The following IGF2R variants were observed in gnomAD, a reference collection of about 807,000 sequenced individuals.
The protein encoded by IGF2R is cation-independent mannose-6-phosphate receptor.
A neutral mutation model predicts 270.6 loss-of-function variants in IGF2R; 91 were observed. The ratio of observed to expected loss-of-function variants is 0.34; its 90% CI spans 0.28 to 0.40. The LOEUF (loss-of-function observed/expected upper bound fraction) is 0.40. Among genes scored for constraint, IGF2R ranks in the 10% least tolerant of loss-of-function variants. The pLI, the probability that IGF2R is intolerant of heterozygous loss-of-function variation, is 1.00. For synonymous variants in IGF2R, 1,316 were observed against 1,258.9 expected (o/e 1.05, Z -0.96); for missense variants, 2,805 against 3,188.3 (o/e 0.88, Z 2.90).
At chr6:160,069,737 C>T in intron 30 of IGF2R, 131 bp from the exon 31 acceptor site, 2 of 730,200 alleles carry the variant, frequency 2.7e-6, no homozygotes, top group Non-Finnish European at 4.5e-6. Context: ...AAAGAAATAG[C>T]AGGTATTTTG....
chr6:160,107,724 T>G lies in IGF2R; in HGVS notation c.*2640T>G, dbSNP rs922727524. The stretch of plus-strand genomic sequence containing the variant: ...CAGTGAAGTGGAAATCTGGTTCTTA[T>G]GAACATTTTAAGAGCATCTGAAGCC... On this transcript the variant is annotated 3_prime_UTR_variant, in exon 48 of 48. Transcript: ENST00000356956. 2.6e-5 allele frequency: 4 copies of G among 152,244 alleles called. No individual in the cohort carries two copies. Among genetic ancestry groups the G allele is most frequent in the Admixed American group, 2.6e-4 (4 of 15,292 alleles). The allele number at this position is 152,244 out of a possible 1,614,324, so 9.4% of individuals were successfully genotyped here.
At chr6:159,995,448 ATGTGAGGTT>A (rs1784037698) in intron 2 of IGF2R, among the ~76,000 whole-genome samples, 1 of 151,982 alleles carries the variant, frequency 6.6e-6, no homozygotes, top group Non-Finnish European at 1.5e-5. Flanking sequence ...TAATATTGAT[ATGTGAGGTT>A]TTGTTCCTGT....
chr6:160,059,184 TGC>T, intron 22 of IGF2R, 86 bp downstream of exon 22: 1 of 1,112,142 alleles, frequency 9.0e-7, no homozygotes, highest in Admixed American at 2.1e-5. Flanking sequence ...GTGTAGGATG[TGC>T]ACATCCCCCG....
intron 46 of IGF2R, 51 bp from the exon 47 acceptor site, chr6:160,103,695 G>A: frequency 7.2e-7 from 1 of 1,381,114 alleles, no homozygotes; most frequent in Non-Finnish European, 1.0e-6. Flanking sequence ...TGGGGCTCCT[G>A]CCCATGCCCT....
chr6:160,099,934 T>G (rs1253123991), intron 45 of IGF2R, among the ~76,000 whole-genome samples: 1 of 152,236 alleles, frequency 6.6e-6, no homozygotes, highest in Non-Finnish European at 1.5e-5. Flanking sequence ...CCTAATTGTT[T>G]GGAAGACATA....
intron 45 of IGF2R, among the ~76,000 whole-genome samples, chr6:160,101,073 T>C (rs1405472105): frequency 6.6e-6 from 1 of 152,144 alleles, no homozygotes; most frequent in Non-Finnish European, 1.5e-5. Flanking sequence ...ATTACAGGCA[T>C]GAGCCACTGT....
chr6:160,084,226 C>T lies in IGF2R; in HGVS notation c.6068+42C>T. Reference sequence around the variant, plus strand: ...TCCACCCGCGGCGCCACACCCTCAGCATGTGAACTTCAGACTGCTTGACGA... The same window carrying T: ...TCCACCCGCGGCGCCACACCCTCAGTATGTGAACTTCAGACTGCTTGACGA... On this transcript the variant is annotated intron_variant, in intron 40 of 47. Transcript: ENST00000356956. This position sits in a 1 kb window ranked among gnomAD's most constrained non-coding sequence, Gnocchi z 4.6. 1 of 1,204,666 alleles carries T rather than the reference C, an allele frequency of 8.3e-7. No individual in the cohort carries two copies. Among genetic ancestry groups the T allele is most frequent in the Non-Finnish European group, 1.2e-6 (1 of 810,658 alleles). The allele number at this position is 1,204,666 out of a possible 1,614,324, so 74.6% of individuals were successfully genotyped here.
At chr6:160,036,098 G>C (rs1777818097) in intron 10 of IGF2R, among the ~76,000 whole-genome samples, 1 of 152,190 alleles carries the variant, frequency 6.6e-6, no homozygotes, top group Admixed American at 6.5e-5. Context: ...TAAGAAACTT[G>C]TATGTCCTGC....
At chr6:160,055,108 C>T (rs1181036460) in intron 19 of IGF2R, among the ~76,000 whole-genome samples, 1 of 152,140 alleles carries the variant, frequency 6.6e-6, no homozygotes, top group African/African-American at 2.4e-5. Context: ...TGTACACACT[C>T]TCCTTGGGTT....
chr6:160,061,773 T>G lies in IGF2R; in HGVS notation c.3427T>G (p.Leu1143Val). 1 of 1,614,182 alleles carries G rather than the reference T, an allele frequency of 6.2e-7. No individual in the cohort carries two copies. The highest frequency in any genetic ancestry group is 1.3e-5 in the African/African-American group (1 of 75,036). ...TCCAGGCAGCGCAGTGGGGTCTTGC[T>G]TAGTGTCAGAAGGCAATAGCTGGAA... is the stretch of plus-strand genomic sequence containing the variant. The part of the protein sequence containing the change: ...GCQGSAVGSC[L>V]VSEGNSWNLG... The change falls in exon 25 of 48, where the codon TTA (leucine) becomes GTA (valine). Residue 1143 changes from leucine to valine, a missense_variant. Coordinates refer to ENST00000356956, the MANE Select transcript of IGF2R (RefSeq NM_000876.4).
intron 44 of IGF2R, chr6:160,093,858 A>G (rs1779287175): frequency 1.4e-6 from 1 of 729,078 alleles, no homozygotes; most frequent in East Asian, 2.7e-5. Context: ...TCAGATAAGC[A>G]GCTGGGCAGT....
chr6:160,050,663 G>C lies in IGF2R; in HGVS notation c.2694+11G>C. ...TCCAGGGGCAGGCTGGTAAGGCACT[G>C]CTGCTGGCTGGTGACCTTCACTGCT... On this transcript the variant is annotated intron_variant, in intron 19 of 47. Coordinates refer to ENST00000356956, the MANE Select transcript of IGF2R (RefSeq NM_000876.4). The surrounding 1 kb of genome is among the most constrained non-coding windows in gnomAD (Gnocchi z 4.0). The C allele has an allele frequency of 6.3e-7, 1 of 1,589,088 alleles. No homozygotes were observed. Among genetic ancestry groups the C allele is most frequent in the Non-Finnish European group, 8.6e-7 (1 of 1,162,126 alleles).
At position 160,110,126 on chromosome 6, in the gene IGF2R, A is replaced by C. The variant is rs537722193; in HGVS notation, c.*5042A>C. The C allele has an allele frequency of 6.6e-6, 1 of 152,336 alleles. No homozygotes were observed. The highest frequency in any genetic ancestry group is 2.1e-4 in the South Asian group (1 of 4,824). 9.4% of individuals were successfully genotyped at this position (152,336 alleles called of 1,614,324 possible). ...CGTGAAATCACAATAGAAAATGGCC[A>C]GCAGGCCTCCAGGTAGGCAGCAATT... On this transcript the variant is annotated 3_prime_UTR_variant, in exon 48 of 48. Transcript: ENST00000356956.
chr6:160,059,154 C>T, intron 22 of IGF2R, 56 bp downstream of exon 22: 2 of 1,460,814 alleles, frequency 1.4e-6, no homozygotes, highest in East Asian at 2.3e-5. Flanking sequence ...GGCTCTGTGG[C>T]TGGCCATGCA....
chr6:160,009,147 A>G lies in IGF2R; in HGVS notation c.414+13A>G. On this transcript the variant is annotated intron_variant, in intron 3 of 47. Transcript: ENST00000356956. ...TGGGAAAACCCTGGTGAGTCCACACAGGCACTTGATGTATTTCTTTAAAAA... is the reference window on the plus strand; with the variant it reads ...TGGGAAAACCCTGGTGAGTCCACACGGGCACTTGATGTATTTCTTTAAAAA... 1 of 1,608,794 alleles carries G rather than the reference A, an allele frequency of 6.2e-7. No individual in the cohort carries two copies. The highest frequency in any genetic ancestry group is 8.5e-7 in the Non-Finnish European group (1 of 1,177,848).
At chr6:160,060,842 C>A in intron 23 of IGF2R, 125 bp downstream of exon 23, 2 of 820,926 alleles carry the variant, frequency 2.4e-6, no homozygotes, top group Non-Finnish European at 3.8e-6. Context: ...CTTGGTTATG[C>A]AGGCAGCGTG....
intron 1 of IGF2R, among the ~76,000 whole-genome samples, chr6:159,989,696 T>G (rs1783947538): frequency 6.6e-6 from 1 of 152,334 alleles, no homozygotes; most frequent in Admixed American, 6.5e-5. Flanking sequence ...CCTCCCAAAG[T>G]GCTGGGATAC....
chr6:159,969,239 C>A lies in IGF2R; in HGVS notation c.-8C>A. The A allele has an allele frequency of 3.0e-6, 3 of 1,009,696 alleles. No homozygotes were observed. The highest frequency in any genetic ancestry group is 3.5e-6 in the Non-Finnish European group (3 of 848,616). 62.5% of individuals were successfully genotyped at this position (1,009,696 alleles called of 1,614,324 possible). ...CTCGCGCCCGCCGCGCAGTCCGGGC[C>A]CGGCGCGATGGGGGCCGCCGCCGGC... On this transcript the variant is annotated 5_prime_UTR_variant, in exon 1 of 48. Transcript: ENST00000356956.
At chr6:160,015,018 G>A (rs781142167) in intron 4 of IGF2R, among the ~76,000 whole-genome samples, 8 of 152,202 alleles carry the variant, frequency 5.3e-5, no homozygotes, top group Non-Finnish European at 1.0e-4. Flanking sequence ...TGCCTTTGAG[G>A]CTGTGAGTAG....
Sources: gnomAD v4.1 joint callset for allele counts (sites outside exome capture counted in the v4.1 genomes callset) on GRCh38, gnomAD v4.1.1 for gene constraint, Gnocchi (gnomAD v3.1) non-coding constraint, MANE v1.5 for transcripts, NCBI Gene and HGNC (gene_info 2026-07-23, HGNC 2026-07-21) for gene names.